GRIK2: variants seen among roughly 807,000 people sequenced by gnomAD.
GRIK2 encodes the protein glutamate ionotropic receptor kainate type subunit 2.
Under a neutral mutation model 100.3 loss-of-function variants are expected in GRIK2, and 32 were observed. The observed-to-expected ratio is 0.32, with a 90% CI of 0.24 to 0.43. GRIK2 has a LOEUF of 0.43. Ranked by LOEUF, GRIK2 falls within the 20% of genes least tolerant of loss-of-function variation. GRIK2 has a pLI of 1.00. For missense variants in GRIK2, 843 were observed against 1,114.9 expected, an observed-to-expected ratio of 0.76 and a Z score of 3.47; for synonymous variants, 417 against 389.4, an observed-to-expected ratio of 1.07 and a Z score of -0.83.
intron 4 of GRIK2, among the ~76,000 whole-genome samples, chr6:101,627,848 A>G (rs1780535766): frequency 6.6e-6 from 1 of 152,166 alleles, no homozygotes; most frequent in Non-Finnish European, 1.5e-5. Flanking sequence ...TTGCATACAA[A>G]TGGTTATCTT....
At chr6:102,015,211 T>TA (rs141355108) in intron 14 of GRIK2, among the ~76,000 whole-genome samples, 18,222 of 151,838 alleles carry the variant, frequency 0.12, 3,062 homozygotes, top group African/African-American at 0.38. Flanking sequence ...CTTTTTTTTT[T>TA]ATCTTTGTTG....
chr6:101,464,592 C>CTGCAAG (rs1771536230), intron 2 of GRIK2, among the ~76,000 whole-genome samples: 1 of 134,148 alleles, frequency 7.5e-6, no homozygotes, highest in Non-Finnish European at 1.5e-5. Flanking sequence ...TCTCGGCTCG[C>CTGCAAG]TGCAAGCTCC....
At chr6:101,596,207 T>C (rs1236921424) in intron 2 of GRIK2, among the ~76,000 whole-genome samples, 1 of 123,498 alleles carries the variant, frequency 8.1e-6, no homozygotes, top group Non-Finnish European at 1.8e-5. Context: ...AAACTAATCC[T>C]TTTTTTTTTT....
chr6:101,579,462 G>C (rs184727641), intron 2 of GRIK2, among the ~76,000 whole-genome samples: 3 of 141,450 alleles, frequency 2.1e-5, no homozygotes, highest in African/African-American at 7.9e-5. Context: ...TCTTTCTTTC[G>C]CTTTCTCTCT....
chr6:101,444,018 C>T (rs534642747), intron 2 of GRIK2, among the ~76,000 whole-genome samples: 1 of 151,946 alleles, frequency 6.6e-6, no homozygotes, highest in Non-Finnish European at 1.5e-5. Flanking sequence ...CCAATTGGCT[C>T]AGACTACAGG....
At chr6:101,731,549 C>T (rs2128371424) in intron 7 of GRIK2, among the ~76,000 whole-genome samples, 1 of 151,912 alleles carries the variant, frequency 6.6e-6, no homozygotes, top group African/African-American at 2.4e-5. Context: ...TATACCATAC[C>T]TATTATATAA....
At chr6:101,655,562 G>A (rs9498659) in intron 4 of GRIK2, among the ~76,000 whole-genome samples, 91,053 of 152,090 alleles carry the variant, frequency 0.6, 29,507 homozygotes, top group Non-Finnish European at 0.74. Context: ...CCACTTCCTC[G>A]TAGTAAGTTG....
chr6:101,620,115 G>A (rs1780080774), intron 2 of GRIK2: 1 of 179,760 alleles, frequency 5.6e-6, no homozygotes, highest in Admixed American at 6.5e-5. Context: ...TCAGACTGAG[G>A]TTTTAAGCAA....
intron 16 of GRIK2, among the ~76,000 whole-genome samples, chr6:102,058,036 T>A (rs925924941): frequency 2.0e-5 from 3 of 151,922 alleles, no homozygotes; most frequent in Non-Finnish European, 2.9e-5. Context: ...CTCATCTTTA[T>A]ACTTAGTTTA....
intron 4 of GRIK2, among the ~76,000 whole-genome samples, chr6:101,664,314 T>C (rs1204335948): frequency 1.3e-5 from 2 of 152,204 alleles, no homozygotes; most frequent in East Asian, 3.9e-4. Context: ...GTCTAGGCTT[T>C]GGTCAGCAAA....
intron 7 of GRIK2, among the ~76,000 whole-genome samples, chr6:101,753,012 G>C (rs1014004121): frequency 2.6e-5 from 4 of 151,890 alleles, no homozygotes; most frequent in African/African-American, 9.7e-5. Context: ...AAAATAAGAC[G>C]GGCTGGGCGC....
rs1381436475 is a variant in GRIK2 at position 101,686,307 on chromosome 6, A to G, written c.905A>G (p.Gln302Arg). The G allele has an allele frequency of 5.0e-6, 8 of 1,613,450 alleles. No homozygotes were observed. The Admixed American group carries it at 1.3e-4, about 27-fold the overall frequency. The change falls in exon 7 of 17, where the codon CAG (glutamine) becomes CGG (arginine). Residue 302 changes from glutamine (Q) to arginine (R), a missense_variant. Physicochemically the swap from Gln to Arg is conservative, Grantham distance 43. This residue lies in a region of GRIK2 where 519 missense variants were observed against 643.8 expected (regional missense o/e 0.81). Transcript: ENST00000369134. ...GAAAAGTGGTCGATGGAACGATTGC[A>G]GGCACCTCCGAAACCCGATTCAGGT... is the stretch of plus-strand genomic sequence containing the variant. ...IIEKWSMERL[Q>R]APPKPDSGLL...
At chr6:102,029,195 G>T (rs1769857229) in intron 14 of GRIK2, among the ~76,000 whole-genome samples, 1 of 150,954 alleles carries the variant, frequency 6.6e-6, no homozygotes, top group African/African-American at 2.4e-5. Context: ...TGGACATTTT[G>T]GCTGATCAGC....
At chr6:102,055,025 T>C (rs918903731) in intron 15 of GRIK2, among the ~76,000 whole-genome samples, 1 of 152,204 alleles carries the variant, frequency 6.6e-6, no homozygotes, top group Non-Finnish European at 1.5e-5. Flanking sequence ...CTTTGCACTC[T>C]ATCCGTTTTC....
chr6:101,718,782 T>C (rs1340431357), intron 7 of GRIK2, among the ~76,000 whole-genome samples: 3 of 151,922 alleles, frequency 2.0e-5, no homozygotes, highest in Non-Finnish European at 2.9e-5. Context: ...GTTGTGTTCT[T>C]AGAGGTGAAG....
At chr6:101,914,738 A>G (rs12210714) in intron 12 of GRIK2, among the ~76,000 whole-genome samples, 13,160 of 151,640 alleles carry the variant, frequency 0.087, 787 homozygotes, top group Middle Eastern at 0.2. Flanking sequence ...TTATGAGTGT[A>G]TGATATCAGG....
chr6:101,642,137 A>G (rs777567811), intron 4 of GRIK2, among the ~76,000 whole-genome samples: 1 of 151,890 alleles, frequency 6.6e-6, no homozygotes, highest in Non-Finnish European at 1.5e-5. Context: ...TTTGCAAAAT[A>G]AAACAGAATT....
intron 2 of GRIK2, among the ~76,000 whole-genome samples, chr6:101,476,318 A>G (rs1772227209): frequency 6.6e-6 from 1 of 152,090 alleles, no homozygotes; most frequent in Admixed American, 6.6e-5. Context: ...TTTCTCCACC[A>G]ATCTATTATT....
chr6:101,720,112 G>T (rs979050060), intron 7 of GRIK2, among the ~76,000 whole-genome samples: 1 of 150,402 alleles, frequency 6.6e-6, no homozygotes, highest in Non-Finnish European at 1.5e-5. Flanking sequence ...TTTCTCCCCT[G>T]CACCCCCTCG....
Sources: gnomAD v4.1 joint callset for allele counts (sites outside exome capture counted in the v4.1 genomes callset) on GRCh38, gnomAD v4.1.1 for gene constraint, gnomAD v4.1.1 regional missense constraint, MANE v1.5 for transcripts, NCBI Gene and HGNC (gene_info 2026-07-23, HGNC 2026-07-21) for gene names.